The following DCC variants were observed in gnomAD, a reference collection of about 807,000 sequenced individuals.
The protein encoded by DCC is DCC netrin 1 receptor.
In DCC, 58 loss-of-function variants were observed where a neutral mutation model predicts 172.5. The ratio of observed to expected loss-of-function variants is 0.34; its 90% CI spans 0.27 to 0.42. The LOEUF (loss-of-function observed/expected upper bound fraction) is 0.42, where lower values mean the gene tolerates loss of function less well. Ranked by LOEUF, DCC falls within the 10% of genes least tolerant of loss-of-function variation. The probability of loss-of-function intolerance (pLI) is 1.00; values close to 1 mark genes in which losing one functional copy is unlikely to be tolerated. For missense variants in DCC, 1,740 were observed against 1,791.0 expected (o/e 0.97, Z 0.51); for synonymous variants, 709 against 644.5 (o/e 1.10, Z -1.52).
chr18:53,321,363 A>T (rs975973315), intron 13 of DCC, among the ~76,000 whole-genome samples: 1 of 152,124 alleles, frequency 6.6e-6, no homozygotes, highest in Non-Finnish European at 1.5e-5. Flanking sequence ...TTTTTGTAAG[A>T]GGAAAGTCAC....
At chr18:52,820,072 G>A (rs1453725701) in intron 2 of DCC, among the ~76,000 whole-genome samples, 4 of 152,098 alleles carry the variant, frequency 2.6e-5, no homozygotes, top group African/African-American at 4.8e-5. Context: ...CATGATTGTT[G>A]GGTAAATAAT....
intron 1 of DCC, among the ~76,000 whole-genome samples, chr18:52,534,061 T>C (rs748393100): frequency 6.6e-6 from 1 of 152,182 alleles, no homozygotes; most frequent in Non-Finnish European, 1.5e-5. Context: ...CACCAAATAA[T>C]GTCCTACTGT....
At chr18:52,895,301 C>A (rs2039712659) in intron 2 of DCC, among the ~76,000 whole-genome samples, 1 of 152,196 alleles carries the variant, frequency 6.6e-6, no homozygotes, top group South Asian at 2.1e-4. Context: ...TAGAAAGCCT[C>A]AGCCTGAATT....
intron 1 of DCC, among the ~76,000 whole-genome samples, chr18:52,628,996 C>T (rs780695919): frequency 3.3e-5 from 5 of 152,124 alleles, no homozygotes; most frequent in Non-Finnish European, 5.9e-5. Context: ...ATTTTCTTAG[C>T]GGTGCATGGC....
Position 53,530,794 on chromosome 18 carries a change from A to C in DCC, c.*141A>C. The C allele has an allele frequency of 2.8e-6, 2 of 717,442 alleles. No homozygotes were observed. The highest frequency in any genetic ancestry group is 2.9e-5 in the South Asian group (2 of 68,762). The allele number at this position is 717,442 out of a possible 1,614,324, so 44.4% of individuals were successfully genotyped here. A position where few individuals can be genotyped will look rare whatever the true frequency, so the allele number is the denominator to read the frequency against. Reference sequence around the variant, plus strand: ...GACCACTCAGTTAAGGAAGATCCTGAAGCAGTTCAGAAGGAATAAGCATTC... The same window carrying C: ...GACCACTCAGTTAAGGAAGATCCTGCAGCAGTTCAGAAGGAATAAGCATTC... On this transcript the variant is annotated 3_prime_UTR_variant, in exon 29 of 29. Transcript: ENST00000442544.
Position 52,610,877 on chromosome 18 carries a change from A to G in DCC, c.92-141177A>G, listed in dbSNP as rs560083855. Among the ~76,000 whole-genome samples, 107 of 152,258 alleles carry G rather than the reference A, an allele frequency of 7.0e-4. 1 individual carries two copies. In the South Asian group the frequency reaches 0.022, roughly 31 times the overall value. Reference sequence around the variant, plus strand: ...AAAAAAACATTATCAGTGCATAGCTATATGAAAACAGGTGGTGGGCTAGAT... The same window carrying G: ...AAAAAAACATTATCAGTGCATAGCTGTATGAAAACAGGTGGTGGGCTAGAT... On this transcript the variant is annotated intron_variant, in intron 1 of 28. Transcript: ENST00000442544.
intron 20 of DCC, among the ~76,000 whole-genome samples, chr18:53,414,663 A>G (rs533325332): frequency 9.3e-4 from 142 of 152,080 alleles, no homozygotes; most frequent in African/African-American, 3.2e-3. Context: ...CCTGACTAAC[A>G]TGGTGAAACC....
chr18:52,596,943 G>A (rs995106304), intron 1 of DCC, among the ~76,000 whole-genome samples: 1 of 152,054 alleles, frequency 6.6e-6, no homozygotes, highest in African/African-American at 2.4e-5. Flanking sequence ...TGGATATTTT[G>A]TGAGCATCTG....
intron 1 of DCC, among the ~76,000 whole-genome samples, chr18:52,581,058 C>G (rs2033534143): frequency 6.6e-6 from 1 of 152,154 alleles, no homozygotes; most frequent in Non-Finnish European, 1.5e-5. Context: ...TCTCTGTCCT[C>G]TAGGCTCATT....
At chr18:52,803,164 G>T (rs1253243795) in intron 2 of DCC, among the ~76,000 whole-genome samples, 1 of 152,092 alleles carries the variant, frequency 6.6e-6, no homozygotes, top group African/African-American at 2.4e-5. Context: ...CATCACTAGT[G>T]GCACTTCGTA....
chr18:53,093,001 T>A (rs2043036153), intron 7 of DCC, among the ~76,000 whole-genome samples: 1 of 152,084 alleles, frequency 6.6e-6, no homozygotes, highest in African/African-American at 2.4e-5. Context: ...CCAGGTGTAA[T>A]GACTTATGCT....
intron 1 of DCC, among the ~76,000 whole-genome samples, chr18:52,447,783 G>A (rs1988170534): frequency 6.6e-6 from 1 of 151,910 alleles, no homozygotes; most frequent in South Asian, 2.1e-4. Context: ...AGAGTGGGGA[G>A]GTGCCACACT....
intron 27 of DCC, among the ~76,000 whole-genome samples, chr18:53,521,778 T>A (rs1409926926): frequency 1.3e-5 from 2 of 152,120 alleles, no homozygotes; most frequent in African/African-American, 4.8e-5. Flanking sequence ...AAACATGTTT[T>A]TAAAATGAAA....
intron 7 of DCC, among the ~76,000 whole-genome samples, chr18:53,102,782 T>A (rs944031297): frequency 6.6e-6 from 1 of 152,048 alleles, no homozygotes; most frequent in East Asian, 1.9e-4. Context: ...TGCTGTAGGG[T>A]CTTCTTCAGA....
chr18:53,280,733 A>G (rs1397901696), intron 12 of DCC, among the ~76,000 whole-genome samples: 1 of 152,136 alleles, frequency 6.6e-6, no homozygotes, highest in Non-Finnish European at 1.5e-5. Flanking sequence ...AACCACTATG[A>G]AAATTTTCTA....
chr18:52,872,055 A>G (rs1321961386), intron 2 of DCC, among the ~76,000 whole-genome samples: 1 of 152,156 alleles, frequency 6.6e-6, no homozygotes, highest in Non-Finnish European at 1.5e-5. Context: ...TGCCCTCTGA[A>G]GTTTCACTGA....
chr18:52,738,901 A>T (rs1201827643), intron 1 of DCC, among the ~76,000 whole-genome samples: 2 of 482 alleles, frequency 4.1e-3, no homozygotes, highest in African/African-American at 4.9e-3. Flanking sequence ...CTGGCTATTT[A>T]AAAAAAAAAA....
At chr18:53,206,857 C>T (rs1357156179) in intron 10 of DCC, among the ~76,000 whole-genome samples, 1 of 151,468 alleles carries the variant, frequency 6.6e-6, no homozygotes, top group South Asian at 2.1e-4. Context: ...ACATAAACTG[C>T]ATGATCAGAA....
chr18:53,144,603 A>G (rs994390559), intron 7 of DCC, among the ~76,000 whole-genome samples: 3 of 152,166 alleles, frequency 2.0e-5, no homozygotes, highest in Non-Finnish European at 4.4e-5. Flanking sequence ...CCCTCCCACG[A>G]CACATGGGAA....
Sources: allele counts gnomAD v4.1 joint callset (sites outside exome capture counted in the v4.1 genomes callset), GRCh38; gene constraint gnomAD v4.1.1; transcripts MANE v1.5; gene names NCBI Gene and HGNC (gene_info 2026-07-23, HGNC 2026-07-21).